TET1: variants seen among roughly 807,000 people sequenced by gnomAD.
The protein encoded by TET1 is methylcytosine dioxygenase TET1.
A neutral mutation model predicts 148.7 loss-of-function variants in TET1; 13 were observed. The ratio of observed to expected loss-of-function variants is 0.09; its 90% CI spans 0.06 to 0.14. TET1 has a LOEUF of 0.14. TET1 is among the 10% of genes least tolerant of loss of function. TET1 has a pLI of 1.00. For missense variants in TET1, 2,182 were observed against 2,553.8 expected (o/e 0.85, Z 3.14); for synonymous variants, 907 against 937.2 (o/e 0.97, Z 0.59).
intron 3 of TET1, chr10:68,632,749 A>C (rs2054593394): frequency 1.3e-6 from 2 of 1,587,262 alleles, no homozygotes; most frequent in Admixed American, 3.6e-5. Context: ...CATAGAAAAG[A>C]AGTCAATGTA....
chr10:68,639,075 A>C (rs1454791386), intron 3 of TET1, among the ~76,000 whole-genome samples: 4 of 55,150 alleles, frequency 7.3e-5, no homozygotes, highest in Admixed American at 6.1e-4. Context: ...TATAACTAAT[A>C]AAAAAGTTCA....
intron 3 of TET1, among the ~76,000 whole-genome samples, chr10:68,641,234 C>A (rs1470784891): frequency 1.3e-5 from 2 of 151,812 alleles, no homozygotes; most frequent in Non-Finnish European, 2.9e-5. Context: ...TGGAGTTTTG[C>A]TCTTGTTGCC....
chr10:68,599,229 C>T (rs1236821822), intron 2 of TET1, among the ~76,000 whole-genome samples: 1 of 152,212 alleles, frequency 6.6e-6, no homozygotes, highest in African/African-American at 2.4e-5. Flanking sequence ...AGTGGAAAAC[C>T]CATCTTTGGC....
chr10:68,663,462 G>T (rs191686854), intron 6 of TET1, among the ~76,000 whole-genome samples: 38 of 152,078 alleles, frequency 2.5e-4, no homozygotes, highest in Non-Finnish European at 4.9e-4. Flanking sequence ...CAGTATATAA[G>T]GATCCAATTG....
At chr10:68,610,195 A>G (rs945319602) in intron 3 of TET1, among the ~76,000 whole-genome samples, 2 of 151,960 alleles carry the variant, frequency 1.3e-5, no homozygotes, top group African/African-American at 4.8e-5. Flanking sequence ...ATGCAAGAGA[A>G]TGATGTGAAC....
At chr10:68,619,028 T>G (rs1307099396) in intron 3 of TET1, among the ~76,000 whole-genome samples, 3 of 152,184 alleles carry the variant, frequency 2.0e-5, no homozygotes, top group African/African-American at 7.2e-5. Context: ...ATAGTAGTTT[T>G]AAATTTTCGA....
chr10:68,591,258 A>T (rs1250899155), intron 2 of TET1, among the ~76,000 whole-genome samples: 1 of 152,224 alleles, frequency 6.6e-6, no homozygotes, highest in Non-Finnish European at 1.5e-5. Context: ...TTCTGTTGTA[A>T]ATATTATGAG....
At chr10:68,674,046 C>T (rs1189203009) in intron 8 of TET1, among the ~76,000 whole-genome samples, 1 of 148,418 alleles carries the variant, frequency 6.7e-6, no homozygotes, top group African/African-American at 2.5e-5. Flanking sequence ...ACTGCAACCT[C>T]CACTTCCTAG....
chr10:68,671,689 A>C (rs2055274271), intron 7 of TET1, among the ~76,000 whole-genome samples: 1 of 152,272 alleles, frequency 6.6e-6, no homozygotes. Flanking sequence ...TATACACTTA[A>C]GATTTAATTA....
rs756561638 is a variant in TET1, at chr10:68,570,396, C to A, written c.-122-1821C>A. 3.3e-5 allele frequency among the ~76,000 whole-genome samples: 5 copies of A among 152,018 alleles called. No individual in the cohort carries two copies. The East Asian group carries it at 7.7e-4, about 24-fold the overall frequency. ...CTGGGATTACAGGCGTGAGCCACCGCGCCCAGCCAGTACCGGATAGTTTTT... is the reference window on the plus strand; with the variant it reads ...CTGGGATTACAGGCGTGAGCCACCGAGCCCAGCCAGTACCGGATAGTTTTT... On this transcript the variant is annotated intron_variant, in intron 1 of 11. Transcript: ENST00000373644.
At chr10:68,670,831 C>A (rs2055263242) in intron 7 of TET1, among the ~76,000 whole-genome samples, 1 of 152,038 alleles carries the variant, frequency 6.6e-6, no homozygotes. Flanking sequence ...TCCAGGCTTT[C>A]ACAGTGAAAA....
intron 8 of TET1, among the ~76,000 whole-genome samples, chr10:68,679,304 G>A (rs2055405143): frequency 6.6e-6 from 1 of 152,152 alleles, no homozygotes; most frequent in Non-Finnish European, 1.5e-5. Context: ...AATTTGAGAT[G>A]ACCTGTTCCT....
chr10:68,635,024 A>G (rs531578877), intron 3 of TET1, among the ~76,000 whole-genome samples: 5 of 150,796 alleles, frequency 3.3e-5, no homozygotes, highest in Admixed American at 6.6e-5. Flanking sequence ...CAAACACCTG[A>G]CCTCGTGATC....
Position 68,646,845 on chromosome 10 carries a change from A to G in TET1, c.4116A>G (p.Glu1372=). Residue 1372 remains glutamate (E), a synonymous_variant, in exon 4 of 12, where the codon GAA becomes GAG. Transcript: ENST00000373644. ...GGITVVSTKS[E]EEVCSSSFGT... ...TTACAGTGGTTTCTACCAAAAGTGAAGAGGAAGTCTGTTCATCCAGTTTTG... is the reference window on the plus strand; with the variant it reads ...TTACAGTGGTTTCTACCAAAAGTGAGGAGGAAGTCTGTTCATCCAGTTTTG... 2 of 1,614,220 alleles carry G rather than the reference A, an allele frequency of 1.2e-6. No individual in the cohort carries two copies. The highest frequency in any genetic ancestry group is 1.7e-6 in the Non-Finnish European group (2 of 1,180,048).
At chr10:68,595,878 A>C (rs1267238985) in intron 2 of TET1, among the ~76,000 whole-genome samples, 1 of 103,012 alleles carries the variant, frequency 9.7e-6, no homozygotes, top group African/African-American at 4.7e-5. Flanking sequence ...GGCCTCCCAA[A>C]GTTTGGGATT....
At chr10:68,632,435 T>C (rs1444655227) in intron 3 of TET1, 1 of 1,612,216 alleles carries the variant, frequency 6.2e-7, no homozygotes, top group African/African-American at 1.3e-5. Context: ...CTAGGATTTT[T>C]AGATGTTGAA....
At chr10:68,686,752 T>G (rs1035045197) in intron 11 of TET1, 45 bp downstream of exon 11, 1 of 1,525,814 alleles carries the variant, frequency 6.6e-7, no homozygotes, top group African/African-American at 1.4e-5. Flanking sequence ...CTTTGATGGA[T>G]AGATGTGTTT....
chr10:68,691,188 G>T lies in TET1; in HGVS notation c.5785G>T (p.Gly1929Cys), dbSNP rs775684043. The T allele has an allele frequency of 1.7e-5, 28 of 1,613,964 alleles. No homozygotes were observed. The highest frequency in any genetic ancestry group is 2.3e-5 in the Non-Finnish European group (27 of 1,180,028). ...EPLINSEPST[G>C]VTEPLTPHQP... ...CCTCATTAATTCTGAGCCTTCCACT[G>T]GTGTGACTGAGCCGCTAACGCCTCA... Residue 1929 changes from glycine (G) to cysteine (C), a missense_variant, in exon 12 of 12, where the codon GGT (glycine) becomes TGT (cysteine). Transcript: ENST00000373644. The surrounding 1 kb of genome is among the most constrained non-coding windows in gnomAD (Gnocchi z 4.4).
At chr10:68,621,401 T>C (rs1040668761) in intron 3 of TET1, among the ~76,000 whole-genome samples, 9 of 152,068 alleles carry the variant, frequency 5.9e-5, no homozygotes, top group Non-Finnish European at 8.8e-5. Context: ...CTGGGCAACG[T>C]GGTGAAACCC....
Sources: gnomAD v4.1 joint callset for allele counts (sites outside exome capture counted in the v4.1 genomes callset) on GRCh38, gnomAD v4.1.1 for gene constraint, Gnocchi (gnomAD v3.1) non-coding constraint, MANE v1.5 for transcripts, NCBI Gene and HGNC (gene_info 2026-07-23, HGNC 2026-07-21) for gene names.